Variants in ABCA13 observed in about 807,000 individuals in gnomAD.
ABCA13 encodes ATP binding cassette subfamily A member 13.
A neutral mutation model predicts 478.7 loss-of-function variants in ABCA13; 476 were observed. The ratio of observed to expected loss-of-function variants is 0.99; its 90% CI spans 0.92 to 1.07. The LOEUF (loss-of-function observed/expected upper bound fraction) is 1.07, where lower values mean the gene tolerates loss of function less well. ABCA13 is among the 50% of genes least tolerant of loss of function. ABCA13 has a pLI of 0.00. For missense variants in ABCA13, 6,060 were observed against 5,910.6 expected (o/e 1.03, Z -0.83); for synonymous variants, 2,252 against 2,158.9 (o/e 1.04, Z -1.20).
chr7:48,488,333 G>T (rs937219131), intron 47 of ABCA13, among the ~76,000 whole-genome samples: 1 of 151,692 alleles, frequency 6.6e-6, no homozygotes, highest in African/African-American at 2.4e-5. Flanking sequence ...CAAGTCTCTG[G>T]TTAAAAAATA....
chr7:48,617,446 G>A (rs1284277800), intron 59 of ABCA13, among the ~76,000 whole-genome samples: 1 of 152,196 alleles, frequency 6.6e-6, no homozygotes, highest in Non-Finnish European at 1.5e-5. Context: ...GCAGGGATCT[G>A]GGTGTCAGGA....
chr7:48,305,178 C>T (rs1800715501), intron 23 of ABCA13, among the ~76,000 whole-genome samples: 1 of 152,194 alleles, frequency 6.6e-6, no homozygotes, highest in Non-Finnish European at 1.5e-5. Context: ...AGCCCTTTGT[C>T]TTTTATTGTC....
chr7:48,437,768 C>G (rs140393333), intron 42 of ABCA13, among the ~76,000 whole-genome samples: 1 of 152,170 alleles, frequency 6.6e-6, no homozygotes, highest in East Asian at 1.9e-4. Flanking sequence ...AATTAGTGAT[C>G]CCCTGGGTCT....
intron 55 of ABCA13, among the ~76,000 whole-genome samples, chr7:48,531,258 C>T (rs1349368331): frequency 2.6e-5 from 4 of 151,946 alleles, no homozygotes; most frequent in African/African-American, 9.7e-5. Context: ...CCTTTCCCAT[C>T]TTTATGTTTT....
At chr7:48,397,893 C>G (rs1563185746) in intron 38 of ABCA13, among the ~76,000 whole-genome samples, 1 of 152,162 alleles carries the variant, frequency 6.6e-6, no homozygotes, top group Admixed American at 6.5e-5. Context: ...TTTAAATCAT[C>G]CTTTCTTCTT....
At chr7:48,610,736 A>T (rs1306900418) in intron 58 of ABCA13, among the ~76,000 whole-genome samples, 3 of 152,242 alleles carry the variant, frequency 2.0e-5, no homozygotes, top group Non-Finnish European at 2.9e-5. Flanking sequence ...GCTTACTGCC[A>T]TGTGGAAGCC....
At chr7:48,535,562 A>G (rs761657551) in intron 55 of ABCA13, among the ~76,000 whole-genome samples, 4 of 152,294 alleles carry the variant, frequency 2.6e-5, no homozygotes, top group Non-Finnish European at 4.4e-5. Flanking sequence ...GGGTGGGGCC[A>G]TAGAGTTCCC....
chr7:48,403,277 T>A (rs1817844941), intron 38 of ABCA13, among the ~76,000 whole-genome samples: 1 of 152,250 alleles, frequency 6.6e-6, no homozygotes. Flanking sequence ...TGCTGAGCAG[T>A]AGAGCTGGGC....
At chr7:48,471,503 A>G in intron 44 of ABCA13, 27 bp from the exon 45 acceptor site, 1 of 1,535,548 alleles carries the variant, frequency 6.5e-7, no homozygotes, top group Non-Finnish European at 8.8e-7. Flanking sequence ...CTAAAAGATC[A>G]TTCCAATTCT....
rs1277707029 is a variant in ABCA13, at chr7:48,245,891, A to G, written c.1520A>G (p.Asn507Ser). 1.2e-6 allele frequency: 2 copies of G among 1,613,178 alleles called. No homozygotes were observed. Among genetic ancestry groups the G allele is most frequent in the South Asian group, 2.2e-5 (2 of 90,914 alleles). The change falls in exon 13 of 62, where the codon AAT becomes AGT. Residue 507 changes from asparagine (N) to serine (S), a missense_variant. By Grantham distance (46) the Asn-to-Ser change is conservative (BLOSUM62 1). Transcript: ENST00000435803. ...TTGGCGAAGAATGCTGTCTGCCCGA[A>G]TGGTCGTTTCTCTGAGAAGGAGGTC... ...QMLAKNAVCP[N>S]GRFSEKEVFL...
chr7:48,389,384 G>A (rs4917118), intron 37 of ABCA13, among the ~76,000 whole-genome samples, 164 bp downstream of exon 37: 95,349 of 151,982 alleles, frequency 0.63, 30,077 homozygotes, highest in Middle Eastern at 0.71. Flanking sequence ...ATGAGTGCCC[G>A]TGTGAGAGAG....
chr7:48,240,450 T>A (rs982419368), intron 9 of ABCA13, among the ~76,000 whole-genome samples: 2 of 152,232 alleles, frequency 1.3e-5, no homozygotes, highest in Non-Finnish European at 2.9e-5. Context: ...TTCAGTATCA[T>A]CCTCACCATG....
chr7:48,245,727 A>G, intron 12 of ABCA13, 115 bp downstream of exon 12: 1 of 1,427,860 alleles, frequency 7.0e-7, no homozygotes, highest in Non-Finnish European at 9.5e-7. Context: ...AGGGAACAAT[A>G]TGCAGGTTTT....
intron 29 of ABCA13, among the ~76,000 whole-genome samples, chr7:48,340,939 A>G (rs912728149): frequency 6.6e-6 from 1 of 152,158 alleles, no homozygotes; most frequent in Non-Finnish European, 1.5e-5. Context: ...TTTCTAACTG[A>G]TACACCTACG....
intron 29 of ABCA13, among the ~76,000 whole-genome samples, chr7:48,339,145 C>G (rs1806727861): frequency 6.6e-6 from 1 of 152,126 alleles, no homozygotes; most frequent in Admixed American, 6.6e-5. Context: ...AGGTCCCTGG[C>G]TCCCTCACAC....
At chr7:48,533,172 C>T (rs1833352727) in intron 55 of ABCA13, among the ~76,000 whole-genome samples, 1 of 151,982 alleles carries the variant, frequency 6.6e-6, no homozygotes. Context: ...TTTGCTGTAT[C>T]CCAGAGGTTT....
At chr7:48,408,513 G>A (rs1041446436) in intron 39 of ABCA13, among the ~76,000 whole-genome samples, 2 of 152,088 alleles carry the variant, frequency 1.3e-5, no homozygotes, top group African/African-American at 4.8e-5. Flanking sequence ...TGGTCATTGT[G>A]GACCTTCAAG....
At chr7:48,543,720 T>C (rs1162807618) in intron 55 of ABCA13, among the ~76,000 whole-genome samples, 1 of 151,886 alleles carries the variant, frequency 6.6e-6, no homozygotes, top group Non-Finnish European at 1.5e-5. Flanking sequence ...TTAAAAATAG[T>C]TGCCATCATT....
chr7:48,281,220 A>G (rs1395721310), intron 18 of ABCA13, 123 bp from the exon 19 acceptor site: 5 of 758,084 alleles, frequency 6.6e-6, no homozygotes, highest in Non-Finnish European at 1.1e-5. Flanking sequence ...TGAAGAAAAT[A>G]TGATTATGCA....
Sources: allele counts gnomAD v4.1 joint callset (sites outside exome capture counted in the v4.1 genomes callset), GRCh38; gene constraint gnomAD v4.1.1; transcripts MANE v1.5; gene names NCBI Gene and HGNC (gene_info 2026-07-23, HGNC 2026-07-21).